EML5: variants seen among roughly 807,000 people sequenced by gnomAD.
The protein encoded by EML5 is EMAP like 5.
In EML5, 120 loss-of-function variants were observed where a neutral mutation model predicts 250.0. The ratio of observed to expected loss-of-function variants is 0.48; its 90% CI spans 0.41 to 0.56. The LOEUF is 0.56. EML5 is among the 20% of genes least tolerant of loss of function. The pLI is 0.00. For missense variants in EML5, 2,006 were observed against 2,437.6 expected (o/e 0.82, Z 3.73); for synonymous variants, 771 against 806.5 (o/e 0.96, Z 0.75).
chr14:88,700,346 G>GA (rs1223721745), intron 14 of EML5, among the ~76,000 whole-genome samples: 1 of 151,944 alleles, frequency 6.6e-6, no homozygotes, highest in Non-Finnish European at 1.5e-5. Flanking sequence ...TTACAAAAGG[G>GA]AAGCTGCAAA....
intron 38 of EML5, 75 bp downstream of exon 38, chr14:88,621,034 TTAAG>T: frequency 6.7e-7 from 1 of 1,493,734 alleles, no homozygotes; most frequent in Non-Finnish European, 8.9e-7. Flanking sequence ...TGGCAGTTCT[TTAAG>T]TACTAGCAAT....
At chr14:88,703,768 T>C (rs1444013107) in intron 13 of EML5, among the ~76,000 whole-genome samples, 1 of 152,146 alleles carries the variant, frequency 6.6e-6, no homozygotes, top group Non-Finnish European at 1.5e-5. Context: ...AGAACCCGTA[T>C]TTTGGTGAAA....
chr14:88,651,154 C>CTTTTTTTT (rs869045980), intron 27 of EML5, among the ~76,000 whole-genome samples: 3 of 93,140 alleles, frequency 3.2e-5, no homozygotes, highest in Non-Finnish European at 4.1e-5. Context: ...TTGTCATTTT[C>CTTTTTTTT]TTTTTTTTTT....
chr14:88,738,757 A>G, intron 6 of EML5, 122 bp downstream of exon 6: 1 of 1,190,450 alleles, frequency 8.4e-7, no homozygotes, highest in Non-Finnish European at 1.1e-6. Flanking sequence ...ATACAGGGTG[A>G]AGAGGCAAAT....
intron 21 of EML5, among the ~76,000 whole-genome samples, chr14:88,666,043 A>G (rs1327081269): frequency 6.6e-6 from 1 of 152,234 alleles, no homozygotes; most frequent in African/African-American, 2.4e-5. Flanking sequence ...AATGAAACTC[A>G]CTTCTGAATA....
chr14:88,714,903 G>A, intron 9 of EML5, 36 bp downstream of exon 9: 1 of 1,586,230 alleles, frequency 6.3e-7, no homozygotes, highest in Admixed American at 1.7e-5. Context: ...ATATTGTATA[G>A]GTACTACAAA....
In EML5 at chr14:88,618,343, G is replaced by C; in HGVS notation, c.5539-12C>G. ...CAGCCACTAGAGACCTTTTTCATCAGATTAAAATGGGACAAGAATTCCATT... is the reference window on the plus strand; with the variant it reads ...CAGCCACTAGAGACCTTTTTCATCACATTAAAATGGGACAAGAATTCCATT... On this transcript the variant is annotated splice_polypyrimidine_tract_variant and intron_variant, in intron 40 of 43. Coordinates refer to ENST00000554922, the MANE Select transcript of EML5 (RefSeq NM_183387.3). 2 of 1,609,722 alleles carry C rather than the reference G, an allele frequency of 1.2e-6. No homozygotes were observed. The highest frequency in any genetic ancestry group is 1.7e-6 in the Non-Finnish European group (2 of 1,176,928).
At position 88,688,435 on chromosome 14, in the gene EML5, G is replaced by C. The variant is rs746725134; in HGVS notation, c.2578C>G (p.Leu860Val). The C allele has an allele frequency of 6.2e-7, 1 of 1,613,890 alleles. No homozygotes were observed. The highest frequency in any genetic ancestry group is 8.5e-7 in the Non-Finnish European group (1 of 1,179,884). ...LIGRKGYIGTLGKNDTMMCAV... is the reference protein window; with the variant it reads ...LIGRKGYIGTVGKNDTMMCAV... ...CACATCATTGTGTCATTTTTCCCCAGTGTGCCTATGTAGCCTTTTCTTCCA... is the reference window on the plus strand; with the variant it reads ...CACATCATTGTGTCATTTTTCCCCACTGTGCCTATGTAGCCTTTTCTTCCA... Residue 860 changes from leucine (L) to valine (V), a missense_variant, in exon 18 of 44, where the codon CTG becomes GTG. Transcript: ENST00000554922.
At chr14:88,636,713 G>A (rs1485805684) in intron 32 of EML5, among the ~76,000 whole-genome samples, 1 of 152,160 alleles carries the variant, frequency 6.6e-6, no homozygotes, top group East Asian at 1.9e-4. Flanking sequence ...GGGAGAATAT[G>A]CTAGCTGTCT....
intron 27 of EML5, among the ~76,000 whole-genome samples, chr14:88,656,344 A>C (rs540015020): frequency 6.6e-6 from 1 of 152,320 alleles, no homozygotes; most frequent in East Asian, 1.9e-4. Flanking sequence ...GGAAACCATC[A>C]TTCTCAGCAA....
intron 8 of EML5, among the ~76,000 whole-genome samples, chr14:88,720,519 A>C (rs914034016): frequency 2.0e-5 from 3 of 152,198 alleles, no homozygotes; most frequent in African/African-American, 7.2e-5. Context: ...AGATCTAAAA[A>C]CAAAGACCAT....
intron 7 of EML5, among the ~76,000 whole-genome samples, chr14:88,731,450 G>T (rs367783342): frequency 3.3e-5 from 5 of 151,898 alleles, no homozygotes; most frequent in East Asian, 1.9e-4. Flanking sequence ...TGCCACATTT[G>T]CTTAATCCAG....
At chr14:88,642,808 AG>A (rs2091141339) in intron 31 of EML5, 84 bp downstream of exon 31, 1 of 1,284,242 alleles carries the variant, frequency 7.8e-7, no homozygotes, top group East Asian at 2.6e-5. Context: ...TACTATTTAT[AG>A]CTTTAACAAA....
In EML5 at chr14:88,625,139, T is replaced by TG; in HGVS notation, c.4741-13dup. ...AACGTCAAGTTATTCTGAAAAGGAG[T>TG]GGGGGAGGGGGAGACAAACTCATCA... On this transcript the variant is annotated splice_polypyrimidine_tract_variant and intron_variant, in intron 35 of 43. Coordinates refer to ENST00000554922, the MANE Select transcript of EML5 (RefSeq NM_183387.3). 1 of 1,612,340 alleles carries TG rather than the reference T, an allele frequency of 6.2e-7. No homozygotes were observed. The highest frequency in any genetic ancestry group is 1.3e-5 in the African/African-American group (1 of 74,740).
rs184121799 is a variant in EML5 at position 88,629,115 on chromosome 14, T to C, written c.4358-1296A>G. ...TGTAAATATATACCAGATCACTCTA[T>C]ACATTTTGCCAGTGATAAATATTAT... On this transcript the variant is annotated intron_variant, in intron 33 of 43. Transcript: ENST00000554922. 3.1e-3 allele frequency among the ~76,000 whole-genome samples: 470 copies of C among 152,178 alleles called. 1 individual carries two copies. The highest frequency in any genetic ancestry group is 0.011 in the African/African-American group (439 of 41,548).
intron 1 of EML5, among the ~76,000 whole-genome samples, chr14:88,771,446 T>C (rs975790131): frequency 6.6e-6 from 1 of 152,202 alleles, no homozygotes; most frequent in Non-Finnish European, 1.5e-5. Context: ...ACTTTACTCC[T>C]AGAACTATGC....
chr14:88,669,617 G>T (rs1335632290), intron 21 of EML5, among the ~76,000 whole-genome samples: 1 of 152,138 alleles, frequency 6.6e-6, no homozygotes, highest in Non-Finnish European at 1.5e-5. Flanking sequence ...TAGAGGGGAG[G>T]GGCATCCGTG....
chr14:88,736,531 G>A lies in EML5; in HGVS notation c.882C>T (p.Asp294=), dbSNP rs182790400. The change falls in exon 7 of 44, where the codon GAC becomes GAT. Residue 294 remains aspartate, a synonymous_variant. Coordinates refer to ENST00000554922, the MANE Select transcript of EML5 (RefSeq NM_183387.3). ...TGTCCTGTGTTCCAACTAGAATGTG[G>A]TCACCTCGCCAACACACACTCCTTA... ...LSVRSVCWRG[D]HILVGTQDSE... 3.1e-6 allele frequency: 5 copies of A among 1,613,796 alleles called. No homozygotes were observed. The African/African-American group carries it at 4.0e-5, about 13-fold the overall frequency.
At chr14:88,713,503 G>A (rs906327863) in intron 9 of EML5, among the ~76,000 whole-genome samples, 4 of 151,964 alleles carry the variant, frequency 2.6e-5, no homozygotes, top group East Asian at 1.9e-4. Context: ...TTAGAGCCAC[G>A]ATCTTGCTCT....
Sources: gnomAD v4.1 joint callset for allele counts (sites outside exome capture counted in the v4.1 genomes callset) on GRCh38, gnomAD v4.1.1 for gene constraint, MANE v1.5 for transcripts, NCBI Gene and HGNC (gene_info 2026-07-23, HGNC 2026-07-21) for gene names.